CCNC: variants seen among roughly 807,000 people sequenced by gnomAD.
CCNC encodes cyclin C, also known as cyclin-C.
Under a neutral mutation model 50.0 loss-of-function variants are expected in CCNC, and 19 were observed. That is an observed-to-expected ratio of 0.38 (90% CI 0.27 to 0.56). The LOEUF (loss-of-function observed/expected upper bound fraction) is 0.56. Among genes scored for constraint, CCNC ranks in the 20% least tolerant of loss-of-function variants. The pLI is 0.72. For missense variants in CCNC, 200 were observed against 327.1 expected (o/e 0.61, Z 3.00); for synonymous variants, 93 against 103.7 (o/e 0.90, Z 0.63).
At position 99,543,796 on chromosome 6, in the gene CCNC, A is replaced by G. The variant is rs1801963740; in HGVS notation, c.798-187T>C. On this transcript the variant is annotated intron_variant, in intron 11 of 11. Transcript: ENST00000520429. ...TAACAAACATTGGTTTTATGTTTTT[A>G]TTCTTATATAACTTTGTGCCCTCAC... The G allele has an allele frequency of 2.1e-6, 3 of 1,407,050 alleles. No homozygotes were observed. The South Asian group carries it at 5.0e-5, about 23-fold the overall frequency. The allele number at this position is 1,407,050 out of a possible 1,614,324, so 87.2% of individuals were successfully genotyped here.
rs750442144 is a variant in CCNC at position 99,549,627 on chromosome 6, T to C, written c.531-52A>G. On this transcript the variant is annotated intron_variant, in intron 8 of 11. Coordinates refer to ENST00000520429, the MANE Select transcript of CCNC (RefSeq NM_005190.4). ...CTGAAAGCAGAACTACCTCATCTGA[T>C]TGTATATTTCCTCCAGAGAGGGCCA... 7.7e-6 allele frequency: 9 copies of C among 1,171,054 alleles called. No homozygotes were observed. In the African/African-American group the frequency reaches 9.1e-5, roughly 12 times the overall value. The allele number at this position is 1,171,054 out of a possible 1,614,324, so 72.5% of individuals were successfully genotyped here. A position where few individuals can be genotyped will look rare whatever the true frequency, so the allele number is the denominator to read the frequency against.
At chr6:99,556,191 T>C (rs1802502884) in intron 5 of CCNC, among the ~76,000 whole-genome samples, 1 of 152,260 alleles carries the variant, frequency 6.6e-6, no homozygotes, top group Non-Finnish European at 1.5e-5. Flanking sequence ...TTTTTGTTTT[T>C]AAATTGTGTT....
In CCNC at chr6:99,542,805, T is replaced by A. The variant is rs1801932319; in HGVS notation, c.*750A>T. 6.6e-6 allele frequency: 1 copy of A among 152,540 alleles called. No individual in the cohort carries two copies. Among genetic ancestry groups the A allele is most frequent in the South Asian group, 2.1e-4 (1 of 4,822 alleles). The allele number at this position is 152,540 out of a possible 1,614,324, so 9.4% of individuals were successfully genotyped here. A position where few individuals can be genotyped will look rare whatever the true frequency, so the allele number is the denominator to read the frequency against. ...TTAAAATTTTACCAAATTCCAACATTATGGTTTTTGAATCCAATTAAGCTT... is the reference window on the plus strand; with the variant it reads ...TTAAAATTTTACCAAATTCCAACATAATGGTTTTTGAATCCAATTAAGCTT... On this transcript the variant is annotated 3_prime_UTR_variant, in exon 12 of 12. Coordinates refer to ENST00000520429, the MANE Select transcript of CCNC (RefSeq NM_005190.4).
rs773533886 is a variant in CCNC at position 99,551,852 on chromosome 6, A to G, written c.390T>C (p.Tyr130=). 2.8e-6 allele frequency: 4 copies of G among 1,436,810 alleles called. No homozygotes were observed. The highest frequency in any genetic ancestry group is 1.3e-5 in the South Asian group (1 of 74,754). 89.0% of individuals were successfully genotyped at this position (1,436,810 alleles called of 1,614,324 possible). A position where few individuals can be genotyped will look rare whatever the true frequency, so the allele number is the denominator to read the frequency against. Residue 130 remains tyrosine (Y), a synonymous_variant, in exon 6 of 12, where the codon TAT becomes TAC. Transcript: ENST00000520429. The stretch of plus-strand genomic sequence containing the variant: ...ATCATATACTTACATGATTCATCCT[A>G]TAAGGAAATTCCTTTGGAAAGGCAT... ...FSYAFPKEFP[Y]RMNHILECEF...
chr6:99,567,088 TATA>T (rs1017090752), intron 1 of CCNC: 15 of 267,652 alleles, frequency 5.6e-5, no homozygotes, highest in African/African-American at 2.8e-4. Flanking sequence ...CACTTAACTT[TATA>T]ATAATTTTAT....
chr6:99,568,582 C>T lies in CCNC; in HGVS notation c.-55G>A, dbSNP rs1769261705. 1.9e-6 allele frequency: 3 copies of T among 1,593,854 alleles called. No individual in the cohort carries two copies. Among genetic ancestry groups the T allele is most frequent in the South Asian group, 1.1e-5 (1 of 88,284 alleles). ...CCAGCCGGCGGAGCGGCCCGCGGAG[C>T]GACCATAGACCCAGCCCGTCCGGTA... On this transcript the variant is annotated 5_prime_UTR_variant, in exon 1 of 12. Coordinates refer to ENST00000520429, the MANE Select transcript of CCNC (RefSeq NM_005190.4).
chr6:99,557,417 A>G (rs1458004934), intron 5 of CCNC: 6 of 152,144 alleles, frequency 3.9e-5, no homozygotes, highest in Non-Finnish European at 1.5e-5. Flanking sequence ...GTGGACCAAT[A>G]TATGTCCCCC....
In CCNC at chr6:99,553,441, T is replaced by C. The variant is rs1384778491; in HGVS notation, c.347-1546A>G. ...ATACTGTCACATGTCTGTTACTCCA[T>C]GCTAAAACTGCTCTGCATTTTTTTC... On this transcript the variant is annotated intron_variant, in intron 5 of 11. Transcript: ENST00000520429. 5.9e-5 allele frequency among the ~76,000 whole-genome samples: 9 copies of C among 152,202 alleles called. No individual in the cohort carries two copies. The South Asian group carries it at 1.7e-3, about 28-fold the overall frequency.
chr6:99,552,164 A>C (rs372706393), intron 5 of CCNC, among the ~76,000 whole-genome samples: 1 of 152,176 alleles, frequency 6.6e-6, no homozygotes, highest in Non-Finnish European at 1.5e-5. Flanking sequence ...AAAAAAAATC[A>C]CTGGCTTTTA....
At chr6:99,567,207 T>A (rs1769167067) in intron 1 of CCNC, among the ~76,000 whole-genome samples, 1 of 152,008 alleles carries the variant, frequency 6.6e-6, no homozygotes, top group Admixed American at 6.6e-5. Flanking sequence ...GTTGAAAAAC[T>A]GAAAAATCAA....
At chr6:99,563,647 TC>T (rs1410352098) in intron 1 of CCNC, among the ~76,000 whole-genome samples, 2 of 152,206 alleles carry the variant, frequency 1.3e-5, no homozygotes, top group African/African-American at 4.8e-5. Context: ...GAAATACAGG[TC>T]GTCATTTTTC....
At chr6:99,562,778 C>T (rs200670816) in intron 2 of CCNC, 64 bp downstream of exon 2, 4 of 533,526 alleles carry the variant, frequency 7.5e-6, no homozygotes, top group South Asian at 3.3e-5. Context: ...AATTACCACA[C>T]AAAAACATTT....
At chr6:99,561,189 G>C (rs928968792) in intron 4 of CCNC, among the ~76,000 whole-genome samples, 178 bp downstream of exon 4, 3 of 152,154 alleles carry the variant, frequency 2.0e-5, no homozygotes, top group Admixed American at 2.0e-4. Context: ...AGTAAGTGCT[G>C]TATGTGTCTG....
chr6:99,555,295 A>G (rs907100401), intron 5 of CCNC, among the ~76,000 whole-genome samples: 45 of 152,256 alleles, frequency 3.0e-4, no homozygotes, highest in African/African-American at 1.0e-3. Flanking sequence ...TTCCTTTCTC[A>G]GCACCTACTT....
chr6:99,545,331 GTC>G (rs1802028407), intron 10 of CCNC, 101 bp from the exon 11 acceptor site: 1 of 654,644 alleles, frequency 1.5e-6, no homozygotes, highest in Non-Finnish European at 2.7e-6. Flanking sequence ...ACAGTAAATA[GTC>G]TCTGTCCTTA....
Position 99,546,440 on chromosome 6 carries a change from T to G in CCNC, c.633A>C (p.Lys211Asn), listed in dbSNP as rs1433139486. Residue 211 changes from lysine to asparagine, a missense_variant, in exon 10 of 12, where the codon AAA (lysine) becomes AAC (asparagine). Transcript: ENST00000520429. Reference protein sequence around the residue: ...CLHVACVVQQKDARQWFAELS... With the variant: ...CLHVACVVQQNDARQWFAELS... ...GCTCAGCAAACCATTGCCTGGCATCTTTCTGCTGTACAACACAGGCTACAT... is the reference window on the plus strand; with the variant it reads ...GCTCAGCAAACCATTGCCTGGCATCGTTCTGCTGTACAACACAGGCTACAT... 1 of 1,613,726 alleles carries G rather than the reference T, an allele frequency of 6.2e-7. No homozygotes were observed. The highest frequency in any genetic ancestry group is 8.5e-7 in the Non-Finnish European group (1 of 1,179,646).
At chr6:99,559,191 T>TAA (rs769090651) in intron 4 of CCNC, among the ~76,000 whole-genome samples, 25 of 119,368 alleles carry the variant, frequency 2.1e-4, no homozygotes, top group African/African-American at 5.1e-4. Flanking sequence ...CCAAAAGAAC[T>TAA]AAAAAAAAAA....
At chr6:99,555,996 GCTTGTTTGTTCTT>G (rs996471097) in intron 5 of CCNC, among the ~76,000 whole-genome samples, 2 of 40,480 alleles carry the variant, frequency 4.9e-5, no homozygotes, top group African/African-American at 5.7e-4. Flanking sequence ...CTCAAATCTG[GCTTGTTTGTTCTT>G]CTTGCTGGCT....
chr6:99,543,346 T>C lies in CCNC; in HGVS notation c.*209A>G. 1.1e-5 allele frequency: 6 copies of C among 536,772 alleles called. No individual in the cohort carries two copies. The highest frequency in any genetic ancestry group is 1.3e-5 in the Non-Finnish European group (4 of 306,512). The allele number at this position is 536,772 out of a possible 1,614,324, so 33.3% of individuals were successfully genotyped here. ...TCTGTCTGTAGGTCCCCTTAGAACC[T>C]TTCCAAACATTTATAATCAAGAGAT... On this transcript the variant is annotated 3_prime_UTR_variant, in exon 12 of 12. Coordinates refer to ENST00000520429, the MANE Select transcript of CCNC (RefSeq NM_005190.4).
Sources: allele counts gnomAD v4.1 joint callset (sites outside exome capture counted in the v4.1 genomes callset), GRCh38; gene constraint gnomAD v4.1.1; transcripts MANE v1.5; gene names NCBI Gene and HGNC (gene_info 2026-07-23, HGNC 2026-07-21).